Variants in RAPGEF5 observed in about 807,000 individuals in gnomAD.
RAPGEF5 encodes the protein Rap guanine nucleotide exchange factor 5, also known as M-Ras-regulated GEF.
RAPGEF5 carries 65 observed loss-of-function variants against 125.2 expected under a neutral mutation model. The ratio of observed to expected loss-of-function variants is 0.52; its 90% CI spans 0.43 to 0.64. The LOEUF is 0.64. RAPGEF5 is among the 30% of genes least tolerant of loss of function. The pLI, the probability that RAPGEF5 is intolerant of heterozygous loss-of-function variation, is 0.00. For missense variants in RAPGEF5, 958 were observed against 1,048.1 expected (o/e 0.91, Z 1.19); for synonymous variants, 391 against 385.9 (o/e 1.01, Z -0.16).
At chr7:22,276,492 T>C (rs1401300165) in intron 6 of RAPGEF5, among the ~76,000 whole-genome samples, 1 of 152,230 alleles carries the variant, frequency 6.6e-6, no homozygotes, top group Non-Finnish European at 1.5e-5. Flanking sequence ...GGATCTTCTA[T>C]GGTAGCAATC....
chr7:22,352,774 T>C (rs1486893135), intron 1 of RAPGEF5, among the ~76,000 whole-genome samples: 1 of 152,204 alleles, frequency 6.6e-6, no homozygotes, highest in Non-Finnish European at 1.5e-5. Context: ...ACATTGTGAA[T>C]TTCAGGAGAC....
chr7:22,268,882 A>C (rs947639439), intron 6 of RAPGEF5, among the ~76,000 whole-genome samples: 1 of 152,188 alleles, frequency 6.6e-6, no homozygotes, highest in African/African-American at 2.4e-5. Context: ...ACTGTATAAC[A>C]CTACAGCTTT....
intron 9 of RAPGEF5, among the ~76,000 whole-genome samples, chr7:22,216,733 C>A (rs1312950152): frequency 6.6e-6 from 1 of 152,190 alleles, no homozygotes; most frequent in Non-Finnish European, 1.5e-5. Context: ...TGAGTGCTTG[C>A]TCATTGTGCC....
chr7:22,195,385 T>C (rs1196287782), intron 9 of RAPGEF5, among the ~76,000 whole-genome samples: 2 of 152,220 alleles, frequency 1.3e-5, no homozygotes, highest in African/African-American at 4.8e-5. Context: ...AAGCTAATAA[T>C]TTAAGTCCTC....
intron 5 of RAPGEF5, among the ~76,000 whole-genome samples, chr7:22,291,499 T>C (rs1408371812): frequency 6.6e-6 from 1 of 152,216 alleles, no homozygotes; most frequent in Non-Finnish European, 1.5e-5. Flanking sequence ...ACTCACCCCA[T>C]GATACAGCAG....
chr7:22,324,037 T>A (rs905878472), intron 1 of RAPGEF5, among the ~76,000 whole-genome samples: 3 of 152,070 alleles, frequency 2.0e-5, no homozygotes, highest in African/African-American at 7.2e-5. Flanking sequence ...TCAAAGTATC[T>A]CCCGCCGAAA....
At chr7:22,308,860 T>A (rs1783406150) in intron 4 of RAPGEF5, among the ~76,000 whole-genome samples, 2 of 152,144 alleles carry the variant, frequency 1.3e-5, no homozygotes, top group South Asian at 4.1e-4. Context: ...AATACAGAAA[T>A]ACAACATAAT....
chr7:22,233,903 G>A (rs937994145), intron 7 of RAPGEF5, among the ~76,000 whole-genome samples: 1 of 152,030 alleles, frequency 6.6e-6, no homozygotes, highest in African/African-American at 2.4e-5. Flanking sequence ...AAACTAACAG[G>A]GTGAGAATTA....
In RAPGEF5 at chr7:22,317,978, G is replaced by T. The variant is rs116732246; in HGVS notation, c.282+9C>A. 1.9e-6 allele frequency: 3 copies of T among 1,547,996 alleles called. No homozygotes were observed. Among genetic ancestry groups the T allele is most frequent in the South Asian group, 1.2e-5 (1 of 83,204 alleles). On this transcript the variant is annotated intron_variant, in intron 2 of 25. Transcript: ENST00000665637. ...TCAGAAAAGGCAGTAAAAGAGAAAG[G>T]AATCATACCTGGGAAGGCGTATGTT...
intron 1 of RAPGEF5, among the ~76,000 whole-genome samples, chr7:22,353,277 C>G (rs1784362385): frequency 6.6e-6 from 1 of 152,178 alleles, no homozygotes; most frequent in Non-Finnish European, 1.5e-5. Flanking sequence ...ATCCTAACAA[C>G]TAAATACAAT....
chr7:22,275,706 T>C (rs1355757040), intron 6 of RAPGEF5, among the ~76,000 whole-genome samples: 1 of 141,364 alleles, frequency 7.1e-6, no homozygotes, highest in Non-Finnish European at 1.5e-5. Context: ...CATGTTCTCT[T>C]TGGAGACCAT....
chr7:22,255,662 T>C (rs2128139208), intron 7 of RAPGEF5, among the ~76,000 whole-genome samples: 1 of 152,314 alleles, frequency 6.6e-6, no homozygotes, highest in African/African-American at 2.4e-5. Flanking sequence ...ATCATATATA[T>C]TGTAATATCT....
chr7:22,285,047 G>A (rs1413245198), intron 6 of RAPGEF5, among the ~76,000 whole-genome samples: 2 of 152,048 alleles, frequency 1.3e-5, no homozygotes, highest in Non-Finnish European at 2.9e-5. Context: ...GTGCCAGAAC[G>A]CTCACATCAG....
At position 22,121,742 on chromosome 7, in the gene RAPGEF5, C is replaced by T. The variant is rs1465238171; in HGVS notation, c.*664G>A. The T allele has an allele frequency of 1.3e-5, 2 of 152,600 alleles. No individual in the cohort carries two copies. Among genetic ancestry groups the T allele is most frequent in the Non-Finnish European group, 2.9e-5 (2 of 68,054 alleles). The allele number at this position is 152,600 out of a possible 1,614,324, so 9.5% of individuals were successfully genotyped here. ...TGCCTATAGCTGCAAATCAGTTGTA[C>T]AGAAACTAATTTCACCTGCAAGCAT... On this transcript the variant is annotated 3_prime_UTR_variant, in exon 26 of 26. Coordinates refer to ENST00000665637, the MANE Select transcript of RAPGEF5 (RefSeq NM_012294.5).
At chr7:22,155,380 A>C (rs1277718761) in intron 16 of RAPGEF5, among the ~76,000 whole-genome samples, 1 of 152,258 alleles carries the variant, frequency 6.6e-6, no homozygotes, top group Non-Finnish European at 1.5e-5. Flanking sequence ...AGTAACTGAC[A>C]CATTACCTCT....
At chr7:22,188,386 G>A (rs535848395) in intron 11 of RAPGEF5, among the ~76,000 whole-genome samples, 43 of 152,260 alleles carry the variant, frequency 2.8e-4, no homozygotes, top group African/African-American at 7.7e-4. Flanking sequence ...TCATGAGCTT[G>A]GTGTTGGCAG....
intron 11 of RAPGEF5, among the ~76,000 whole-genome samples, chr7:22,170,315 A>G (rs1784311611): frequency 1.3e-5 from 2 of 152,172 alleles, no homozygotes; most frequent in Non-Finnish European, 2.9e-5. Context: ...TTGGCCTCCC[A>G]AAGTGCTGGG....
At chr7:22,229,548 C>A (rs569055502) in intron 8 of RAPGEF5, among the ~76,000 whole-genome samples, 1 of 152,196 alleles carries the variant, frequency 6.6e-6, no homozygotes, top group Admixed American at 6.5e-5. Context: ...ATAAATTACA[C>A]ACATACGTAC....
At chr7:22,167,197 G>A (rs1158460286) in intron 11 of RAPGEF5, 49 bp from the exon 12 acceptor site, 1 of 1,442,584 alleles carries the variant, frequency 6.9e-7, no homozygotes, top group Admixed American at 1.8e-5. Flanking sequence ...AGGTGGATAA[G>A]AAGAGCAGCT....
Sources: allele counts gnomAD v4.1 joint callset (sites outside exome capture counted in the v4.1 genomes callset), GRCh38; gene constraint gnomAD v4.1.1; transcripts MANE v1.5; gene names NCBI Gene and HGNC (gene_info 2026-07-23, HGNC 2026-07-21).